THSD4: variants seen among roughly 807,000 people sequenced by gnomAD.
THSD4 encodes the protein thrombospondin type-1 domain-containing protein 4.
In THSD4, 69 loss-of-function variants were observed where a neutral mutation model predicts 119.0. The observed-to-expected ratio is 0.58, with a 90% confidence interval of 0.48 to 0.71. The LOEUF is 0.71. Ranked by LOEUF, THSD4 falls within the 30% of genes least tolerant of loss-of-function variation. THSD4 has a pLI of 0.00. For synonymous variants in THSD4, 524 were observed against 540.4 expected (o/e 0.97, Z 0.42); for missense variants, 1,393 against 1,391.1 (o/e 1.00, Z -0.02).
intron 7 of THSD4, among the ~76,000 whole-genome samples, chr15:71,619,028 G>A (rs1232310899): frequency 6.6e-6 from 1 of 151,114 alleles, no homozygotes; most frequent in Non-Finnish European, 1.5e-5. Flanking sequence ...GGAGTGCAGT[G>A]GCACAATCTT....
chr15:71,357,302 G>C (rs2045828927), intron 6 of THSD4, among the ~76,000 whole-genome samples: 1 of 152,194 alleles, frequency 6.6e-6, no homozygotes, highest in Non-Finnish European at 1.5e-5. Flanking sequence ...GTTATGAGAG[G>C]GTGTCATTCC....
chr15:71,346,837 C>T (rs1190973301), intron 6 of THSD4, among the ~76,000 whole-genome samples: 3 of 150,564 alleles, frequency 2.0e-5, no homozygotes, highest in East Asian at 1.9e-4. Flanking sequence ...TCTCAAATTC[C>T]GAATAACATC....
chr15:71,690,693 G>A (rs1283320288), intron 8 of THSD4, among the ~76,000 whole-genome samples: 1 of 152,182 alleles, frequency 6.6e-6, no homozygotes, highest in Admixed American at 6.5e-5. Context: ...TCACAATCAT[G>A]GCAGAAGGCA....
chr15:71,305,981 C>A (rs1389407715), intron 6 of THSD4, among the ~76,000 whole-genome samples: 1 of 152,024 alleles, frequency 6.6e-6, no homozygotes, highest in Non-Finnish European at 1.5e-5. Context: ...TAACTTTTTC[C>A]CTCAAACGAT....
At chr15:71,408,565 G>GGGAGT (rs2046639067) in intron 6 of THSD4, among the ~76,000 whole-genome samples, 1 of 151,992 alleles carries the variant, frequency 6.6e-6, no homozygotes, top group Non-Finnish European at 1.5e-5. Flanking sequence ...TTTAAAGGAG[G>GGGAGT]TGGGGGCTGG....
At chr15:71,491,040 G>A (rs1020249141) in intron 7 of THSD4, among the ~76,000 whole-genome samples, 3 of 152,248 alleles carry the variant, frequency 2.0e-5, no homozygotes, top group East Asian at 1.9e-4. Context: ...TTGTGTGCAT[G>A]TATGGTATTT....
chr15:71,606,480 G>C (rs2050111608), intron 7 of THSD4, among the ~76,000 whole-genome samples: 1 of 148,076 alleles, frequency 6.8e-6, no homozygotes, highest in Non-Finnish European at 1.5e-5. Flanking sequence ...AGGATAAACT[G>C]CTCAGAGGAA....
At position 71,608,084 on chromosome 15, in the gene THSD4, G is replaced by A. The variant is rs549018682; in HGVS notation, c.1153-52446G>A. Reference sequence around the variant, plus strand: ...TAAAAATACAAAAAATTAGCGGGGCGTGGTGGCAGGCACCTGTAATGCCAG... The same window carrying A: ...TAAAAATACAAAAAATTAGCGGGGCATGGTGGCAGGCACCTGTAATGCCAG... On this transcript the variant is annotated intron_variant, in intron 7 of 17. Transcript: ENST00000261862. Among the ~76,000 whole-genome samples the A allele has an allele frequency of 1.2e-3, 176 of 151,922 alleles. 1 individual carries two copies. The highest frequency in any genetic ancestry group is 3.6e-3 in the African/African-American group (148 of 41,414).
chr15:71,165,556 A>G, intron 3 of THSD4: 1 of 678,736 alleles, frequency 1.5e-6, no homozygotes, highest in East Asian at 2.6e-5. Context: ...CTTTCATAGC[A>G]AGAGCCTTTT....
At chr15:71,436,859 G>A (rs948606906) in intron 7 of THSD4, among the ~76,000 whole-genome samples, 1 of 152,160 alleles carries the variant, frequency 6.6e-6, no homozygotes, top group Admixed American at 6.5e-5. Context: ...AATGGACTTG[G>A]AGAACACGCA....
intron 7 of THSD4, among the ~76,000 whole-genome samples, chr15:71,562,378 AGGAAG>A (rs1201263880): frequency 6.8e-6 from 1 of 148,134 alleles, no homozygotes; most frequent in Admixed American, 6.6e-5. Flanking sequence ...GGAAGGTGGT[AGGAAG>A]GGAAGGGAAG....
chr15:71,730,966 C>T (rs1463256800), intron 9 of THSD4, 155 bp from the exon 10 acceptor site: 1 of 642,656 alleles, frequency 1.6e-6, no homozygotes, highest in African/African-American at 1.8e-5. Context: ...CCAGGAATAA[C>T]TTTGTTTAAT....
intron 6 of THSD4, among the ~76,000 whole-genome samples, chr15:71,298,406 C>T (rs780988466): frequency 1.6e-4 from 25 of 152,054 alleles, no homozygotes; most frequent in Admixed American, 3.3e-4. Flanking sequence ...TAAAGGCCTC[C>T]TTCTGTTATT....
intron 6 of THSD4, among the ~76,000 whole-genome samples, chr15:71,275,376 T>C (rs1323611441): frequency 6.6e-6 from 1 of 152,220 alleles, no homozygotes; most frequent in Non-Finnish European, 1.5e-5. Flanking sequence ...CACAGTTCTC[T>C]CACTCTCCGA....
intron 6 of THSD4, among the ~76,000 whole-genome samples, chr15:71,365,712 G>T (rs183281425): frequency 8.5e-5 from 13 of 152,224 alleles, no homozygotes; most frequent in African/African-American, 2.6e-4. Context: ...AAACTCATGG[G>T]ATGTAGCTAC....
chr15:71,318,152 T>C (rs567872721), intron 6 of THSD4, among the ~76,000 whole-genome samples: 10 of 152,060 alleles, frequency 6.6e-5, no homozygotes, highest in Non-Finnish European at 1.3e-4. Context: ...GAGGGAAGTT[T>C]ATGAAGAACA....
intron 1 of THSD4, among the ~76,000 whole-genome samples, chr15:71,102,568 C>CTT (rs112488859): frequency 1.0e-3 from 159 of 151,646 alleles, no homozygotes; most frequent in African/African-American, 3.7e-3. Flanking sequence ...TTATATCTTC[C>CTT]TTTTTTTTAA....
At chr15:71,199,597 ATGTATGG>A (rs1596264571) in intron 3 of THSD4, among the ~76,000 whole-genome samples, 1 of 47,564 alleles carries the variant, frequency 2.1e-5, no homozygotes, top group Admixed American at 2.3e-4. Context: ...GGTGTGTGTG[ATGTATGG>A]TGTGTGTGGT....
At chr15:71,199,766 GGTGTGTGTGGTGTGTGGGTGTGTGCT>G (rs2043771667) in intron 3 of THSD4, among the ~76,000 whole-genome samples, 1 of 111,524 alleles carries the variant, frequency 9.0e-6, no homozygotes, top group East Asian at 3.4e-4. Flanking sequence ...TGATGTGTGT[GGTGTGTGTGGTGTGTGGGTGTGTGCT>G]GTGTGTGTGC....
Sources: gnomAD v4.1 joint callset for allele counts (sites outside exome capture counted in the v4.1 genomes callset) on GRCh38, gnomAD v4.1.1 for gene constraint, MANE v1.5 for transcripts, NCBI Gene and HGNC (gene_info 2026-07-23, HGNC 2026-07-21) for gene names.